ST7: variants seen among roughly 807,000 people sequenced by gnomAD.
ST7 encodes suppressor of tumorigenicity 7 protein.
Under a neutral mutation model 78.7 loss-of-function variants are expected in ST7, and 28 were observed. The observed-to-expected ratio is 0.36, with a 90% CI of 0.26 to 0.49. The LOEUF is 0.49. ST7 is among the 20% of genes least tolerant of loss of function. ST7 has a pLI of 0.99. For synonymous variants in ST7, 247 were observed against 249.6 expected (o/e 0.99, Z 0.10); for missense variants, 418 against 696.0 (o/e 0.60, Z 4.49).
intron 1 of ST7, among the ~76,000 whole-genome samples, chr7:117,083,379 C>T (rs189897916): frequency 1.3e-3 from 205 of 152,238 alleles, no homozygotes; most frequent in African/African-American, 4.8e-3. Context: ...CCTCAACCTC[C>T]CGAGTAGTTG....
intron 12 of ST7, among the ~76,000 whole-genome samples, chr7:117,199,684 C>T (rs1388495937): frequency 6.6e-6 from 1 of 152,208 alleles, no homozygotes; most frequent in Non-Finnish European, 1.5e-5. Context: ...TAATTATGTG[C>T]CAGCCACTGG....
chr7:117,191,011 C>A, intron 12 of ST7, 75 bp downstream of exon 12: 1 of 1,162,470 alleles, frequency 8.6e-7, no homozygotes, highest in Non-Finnish European at 1.3e-6. Flanking sequence ...TGTTGTATCT[C>A]AAGTACACCG....
intron 1 of ST7, among the ~76,000 whole-genome samples, chr7:117,027,136 A>C (rs1796223525): frequency 6.6e-6 from 1 of 152,208 alleles, no homozygotes; most frequent in Non-Finnish European, 1.5e-5. Flanking sequence ...ATAAACATAC[A>C]AATACTTACC....
intron 1 of ST7, among the ~76,000 whole-genome samples, chr7:116,988,062 T>A (rs1044258555): frequency 7.9e-5 from 12 of 152,236 alleles, no homozygotes; most frequent in African/African-American, 2.7e-4. Context: ...TTCTAGCCAG[T>A]CCTAATATAA....
intron 2 of ST7, chr7:117,112,568 G>A (rs1474896905): frequency 6.6e-6 from 1 of 152,216 alleles, no homozygotes; most frequent in African/African-American, 2.4e-5. Context: ...AGATTGCTAT[G>A]TCTCCTTTCA....
chr7:117,198,558 G>T (rs1026427571), intron 12 of ST7: 1 of 287,450 alleles, frequency 3.5e-6, no homozygotes, highest in Non-Finnish European at 6.9e-6. Context: ...CTTTGCTTGT[G>T]GCTGATTGTT....
intron 9 of ST7, among the ~76,000 whole-genome samples, chr7:117,143,154 G>A (rs1390658307): frequency 6.6e-6 from 1 of 152,144 alleles, no homozygotes; most frequent in Non-Finnish European, 1.5e-5. Flanking sequence ...CCTCATGCAT[G>A]CTTCGAGATC....
chr7:117,059,033 T>A (rs534018189), intron 1 of ST7, among the ~76,000 whole-genome samples: 16 of 152,288 alleles, frequency 1.1e-4, no homozygotes, highest in African/African-American at 2.9e-4. Flanking sequence ...AGAAGGATGG[T>A]TACCAGAGAT....
At chr7:117,059,237 A>G (rs1798222981) in intron 1 of ST7, among the ~76,000 whole-genome samples, 1 of 152,156 alleles carries the variant, frequency 6.6e-6, no homozygotes, top group Non-Finnish European at 1.5e-5. Context: ...GAGGTGATAG[A>G]CACCTCATTG....
chr7:117,008,136 A>G (rs924385712), intron 1 of ST7, among the ~76,000 whole-genome samples: 11 of 152,352 alleles, frequency 7.2e-5, no homozygotes, highest in African/African-American at 2.4e-4. Flanking sequence ...GTGAACTTTA[A>G]TAGAAATCTG....
chr7:117,033,703 C>T (rs1274280430), intron 1 of ST7, among the ~76,000 whole-genome samples: 1 of 152,088 alleles, frequency 6.6e-6, no homozygotes, highest in East Asian at 1.9e-4. Context: ...GGATTACAGG[C>T]GTGAGCCAGC....
intron 1 of ST7, among the ~76,000 whole-genome samples, chr7:117,059,736 C>A (rs1245886535): frequency 7.7e-6 from 1 of 130,602 alleles, no homozygotes; most frequent in South Asian, 2.4e-4. Flanking sequence ...TTTGGGAGGC[C>A]AAAGTGGGAG....
chr7:117,149,175 C>T (rs955983852), intron 9 of ST7, among the ~76,000 whole-genome samples: 1 of 152,154 alleles, frequency 6.6e-6, no homozygotes, highest in African/African-American at 2.4e-5. Context: ...CTTTGTGACT[C>T]AAGAATCCTC....
At chr7:117,086,395 C>G (rs570500721) in intron 1 of ST7, among the ~76,000 whole-genome samples, 53 of 152,282 alleles carry the variant, frequency 3.5e-4, no homozygotes, top group Middle Eastern at 3.4e-3. Context: ...TGATCCACCT[C>G]AAGAAACATT....
intron 12 of ST7, among the ~76,000 whole-genome samples, chr7:117,205,130 C>T (rs181599466): frequency 2.6e-5 from 4 of 152,262 alleles, no homozygotes; most frequent in African/African-American, 7.2e-5. Context: ...AAGTTAATCT[C>T]CCATTAAAAT....
chr7:117,191,424 C>G (rs1241239091), intron 12 of ST7, among the ~76,000 whole-genome samples: 1 of 152,000 alleles, frequency 6.6e-6, no homozygotes, highest in Non-Finnish European at 1.5e-5. Flanking sequence ...TTGCTTTGTA[C>G]CATTTTAATA....
intron 12 of ST7, among the ~76,000 whole-genome samples, chr7:117,206,155 G>A (rs767586819): frequency 2.8e-4 from 43 of 152,268 alleles, no homozygotes; most frequent in Admixed American, 1.3e-3. Context: ...GAATTATAAA[G>A]GAGTGTAAAT....
intron 1 of ST7, among the ~76,000 whole-genome samples, chr7:117,069,275 C>A (rs1798794841): frequency 6.6e-6 from 1 of 152,174 alleles, no homozygotes; most frequent in Non-Finnish European, 1.5e-5. Context: ...AAGATTGTGG[C>A]TTGCCTGTTT....
intron 1 of ST7, among the ~76,000 whole-genome samples, chr7:117,089,093 C>G (rs1800387517): frequency 6.6e-6 from 1 of 152,216 alleles, no homozygotes; most frequent in African/African-American, 2.4e-5. Flanking sequence ...AGGAAACATT[C>G]CTTTATGCAC....
Sources: gnomAD v4.1 joint callset for allele counts (sites outside exome capture counted in the v4.1 genomes callset) on GRCh38, gnomAD v4.1.1 for gene constraint, MANE v1.5 for transcripts, NCBI Gene and HGNC (gene_info 2026-07-23, HGNC 2026-07-21) for gene names.